Variants in BACE2 observed in about 807,000 individuals in gnomAD.
BACE2 encodes the protein 56 kDa aspartic-like protease.
Under a neutral mutation model 46.2 loss-of-function variants are expected in BACE2, and 17 were observed. The observed-to-expected ratio is 0.37, with a 90% CI of 0.25 to 0.55. BACE2 has a LOEUF of 0.55. BACE2 is among the 20% of genes least tolerant of loss of function. The probability of loss-of-function intolerance (pLI) is 0.82; values close to 1 mark genes in which losing one functional copy is unlikely to be tolerated. For synonymous variants in BACE2, 277 were observed against 295.9 expected (o/e 0.94, Z 0.66); for missense variants, 595 against 698.1 (o/e 0.85, Z 1.66).
At chr21:41,169,561 T>C (rs2123479448) in intron 1 of BACE2, among the ~76,000 whole-genome samples, 1 of 152,278 alleles carries the variant, frequency 6.6e-6, no homozygotes. Flanking sequence ...TTGAAGATAG[T>C]TTATTTTTAT....
intron 2 of BACE2, among the ~76,000 whole-genome samples, chr21:41,234,197 C>T (rs1212040824): frequency 6.6e-6 from 1 of 152,186 alleles, no homozygotes; most frequent in Non-Finnish European, 1.5e-5. Context: ...GCTTTCATTT[C>T]TCTCTTCCCT....
At chr21:41,189,234 A>G (rs532842847) in intron 1 of BACE2, among the ~76,000 whole-genome samples, 38 of 150,104 alleles carry the variant, frequency 2.5e-4, no homozygotes, top group Non-Finnish European at 4.9e-4. Context: ...GAATCTTTTC[A>G]GTCTAGAAAC....
rs560547039 is a variant in BACE2, at chr21:41,238,253, C to T, written c.618+524C>T. On this transcript the variant is annotated intron_variant, in intron 3 of 8. Coordinates refer to ENST00000330333, the MANE Select transcript of BACE2 (RefSeq NM_012105.5). Reference sequence around the variant, plus strand: ...AGGCATGCCCTGGGGAGAGCCAGCCCTTCCCAGTGGTGGTGAGCCCCAGAG... The same window carrying T: ...AGGCATGCCCTGGGGAGAGCCAGCCTTTCCCAGTGGTGGTGAGCCCCAGAG... Among the ~76,000 whole-genome samples, 4 of 152,356 alleles carry T rather than the reference C, an allele frequency of 2.6e-5. No individual in the cohort carries two copies. The South Asian group carries it at 8.3e-4, about 32-fold the overall frequency.
intron 3 of BACE2, among the ~76,000 whole-genome samples, chr21:41,240,670 C>T (rs1317515875): frequency 6.6e-6 from 1 of 152,188 alleles, no homozygotes; most frequent in East Asian, 1.9e-4. Flanking sequence ...ACCCTATAAT[C>T]CCAAGAGGTG....
chr21:41,241,856 T>C lies in BACE2; in HGVS notation c.656T>C (p.Val219Ala), dbSNP rs780094804. 3 of 1,614,138 alleles carry C rather than the reference T, an allele frequency of 1.9e-6. No individual in the cohort carries two copies. In the Admixed American group the frequency reaches 5.0e-5, roughly 27 times the overall value. Reference protein sequence around the residue: ...SSLETFFDSLVTQANIPNVFS... With the variant: ...SSLETFFDSLATQANIPNVFS... ...CTGGAGACCTTCTTCGACTCCCTGGTGACACAAGCAAACATCCCCAACGTT... is the reference window on the plus strand; with the variant it reads ...CTGGAGACCTTCTTCGACTCCCTGGCGACACAAGCAAACATCCCCAACGTT... The change falls in exon 4 of 9, where the codon GTG (valine) becomes GCG (alanine). Residue 219 changes from valine to alanine, a missense_variant. Coordinates refer to ENST00000330333, the MANE Select transcript of BACE2 (RefSeq NM_012105.5).
At chr21:41,263,955 CTCT>C (rs1988003567) in intron 8 of BACE2, among the ~76,000 whole-genome samples, 1 of 152,152 alleles carries the variant, frequency 6.6e-6, no homozygotes, top group Non-Finnish European at 1.5e-5. Flanking sequence ...TCTTTCTAGT[CTCT>C]TCTTCTGGAT....
intron 3 of BACE2, among the ~76,000 whole-genome samples, chr21:41,241,142 GTC>G (rs932503281): frequency 6.6e-6 from 1 of 152,168 alleles, no homozygotes; most frequent in African/African-American, 2.4e-5. Context: ...TTCCCTTTGA[GTC>G]TCTCTGGAGA....
intron 1 of BACE2, among the ~76,000 whole-genome samples, chr21:41,170,277 T>G (rs2252503): frequency 2.0e-5 from 3 of 151,940 alleles, no homozygotes; most frequent in African/African-American, 7.2e-5. Context: ...ACCTTTATTT[T>G]AAAATGATGA....
chr21:41,169,783 C>A (rs1425063382), intron 1 of BACE2, among the ~76,000 whole-genome samples: 4 of 152,168 alleles, frequency 2.6e-5, no homozygotes, highest in African/African-American at 9.7e-5. Flanking sequence ...AGCGTATATT[C>A]AAACTTTGAT....
rs1986313765 is a variant in BACE2 at position 41,211,892 on chromosome 21, C to T, written c.313-14374C>T. Reference sequence around the variant, plus strand: ...CTTTCTGTAGGGTTATTGCCCAGTGCATCAACCAGAGATTAAGAAGGGACA... The same window carrying T: ...CTTTCTGTAGGGTTATTGCCCAGTGTATCAACCAGAGATTAAGAAGGGACA... On this transcript the variant is annotated intron_variant, in intron 1 of 8. Transcript: ENST00000330333. Among the ~76,000 whole-genome samples the T allele has an allele frequency of 1.3e-5, 2 of 152,238 alleles. 1 individual carries two copies.
intron 8 of BACE2, among the ~76,000 whole-genome samples, chr21:41,274,770 T>A (rs1335322100): frequency 6.6e-6 from 1 of 152,142 alleles, no homozygotes; most frequent in African/African-American, 2.4e-5. Flanking sequence ...AGACCTAGGA[T>A]AAGAGTGGGG....
chr21:41,179,758 G>T lies in BACE2; in HGVS notation c.312+11183G>T, dbSNP rs543237958. 9.1e-6 allele frequency: 8 copies of T among 875,522 alleles called. No individual in the cohort carries two copies. In the African/African-American group the frequency reaches 1.4e-4, roughly 15 times the overall value. The allele number at this position is 875,522 out of a possible 1,614,324, so 54.2% of individuals were successfully genotyped here. A position where few individuals can be genotyped will look rare whatever the true frequency, so the allele number is the denominator to read the frequency against. On this transcript the variant is annotated intron_variant, in intron 1 of 8. Transcript: ENST00000330333. ...ATCAAGCTGAGGGTGCCTGGTGTGG[G>T]GTGGGGTGGAGAAGACCACAGAGAC...
chr21:41,229,395 G>A (rs944935045), intron 2 of BACE2, among the ~76,000 whole-genome samples: 1 of 152,212 alleles, frequency 6.6e-6, no homozygotes, highest in Non-Finnish European at 1.5e-5. Context: ...TTAGGGTGAT[G>A]TGGATGGTGA....
Position 41,243,464 on chromosome 21 carries a change from T to TGAAATTG in BACE2, c.846_852dup (p.Gly285AsnfsTer7), listed in dbSNP as rs1987364792. The stretch of plus-strand genomic sequence containing the variant: ...GAGTGGTACTACCAGATAGAAATTC[T>TGAAATTG]GAAATTGGAAATTGGAGGCCAAAGC... On this transcript the variant is annotated frameshift_variant, in exon 5 of 9. Transcript: ENST00000330333. LOFTEE classifies it high-confidence loss of function. 1 of 1,612,872 alleles carries TGAAATTG rather than the reference T, an allele frequency of 6.2e-7. No individual in the cohort carries two copies. The highest frequency in any genetic ancestry group is 1.7e-5 in the Admixed American group (1 of 59,834).
intron 7 of BACE2, among the ~76,000 whole-genome samples, chr21:41,255,833 C>G (rs1987772164): frequency 6.6e-6 from 1 of 152,196 alleles, no homozygotes; most frequent in Non-Finnish European, 1.5e-5. Flanking sequence ...TTTATTTAAC[C>G]TTGTATAACA....
intron 8 of BACE2, among the ~76,000 whole-genome samples, chr21:41,259,157 A>G (rs1424189288): frequency 2.6e-5 from 4 of 152,242 alleles, no homozygotes; most frequent in Non-Finnish European, 5.9e-5. Flanking sequence ...ATGGTGTAAT[A>G]TTAGGCGTCT....
intron 1 of BACE2, among the ~76,000 whole-genome samples, chr21:41,215,169 A>C: frequency 6.6e-6 from 1 of 152,112 alleles, no homozygotes; most frequent in South Asian, 2.1e-4. Flanking sequence ...AAAGAGAGAA[A>C]GGAATTGAGA....
At chr21:41,187,937 T>C (rs574887622) in intron 1 of BACE2, among the ~76,000 whole-genome samples, 2 of 152,386 alleles carry the variant, frequency 1.3e-5, no homozygotes, top group African/African-American at 4.8e-5. Context: ...AGCTTTTGTA[T>C]ATATAAGAAT....
In BACE2 at chr21:41,275,562, C is replaced by T. The variant is rs562430984; in HGVS notation, c.1495C>T (p.Arg499Cys). 3.8e-5 allele frequency: 61 copies of T among 1,614,086 alleles called. No homozygotes were observed. The highest frequency in any genetic ancestry group is 3.3e-5 in the South Asian group (3 of 91,072). ...LLLLPFRCQR[R>C]PRDPEVVNDE... ...GCTGCTGCCGTTCCGGTGTCAGCGT[C>T]GCCCCCGTGACCCTGAGGTCGTCAA... Residue 499 changes from arginine to cysteine, a missense_variant, in exon 9 of 9, where the codon CGC becomes TGC. By Grantham distance (180) the Arg-to-Cys change is radical (BLOSUM62 -3). Around this residue, in one of 3 missense-constraint regions of BACE2, gnomAD observed 343 missense variants for 419.4 expected, o/e 0.82. Transcript: ENST00000330333.
Sources: allele counts gnomAD v4.1 joint callset (sites outside exome capture counted in the v4.1 genomes callset), GRCh38; gene constraint gnomAD v4.1.1; regional missense constraint gnomAD v4.1.1; transcripts MANE v1.5; gene names NCBI Gene and HGNC (gene_info 2026-07-23, HGNC 2026-07-21).